LDLRAD4: variants seen among roughly 807,000 people sequenced by gnomAD.
LDLRAD4 encodes low density lipoprotein receptor class A domain containing 4, also known as low-density lipoprotein receptor class A domain-containing protein 4.
Under a neutral mutation model 17.0 loss-of-function variants are expected in LDLRAD4, and 5 were observed. The observed-to-expected ratio is 0.29, with a 90% CI of 0.15 to 0.62. The LOEUF (loss-of-function observed/expected upper bound fraction) is 0.62, where lower values mean the gene tolerates loss of function less well. Among genes scored for constraint, LDLRAD4 ranks in the 20% least tolerant of loss-of-function variants. The pLI, the probability that LDLRAD4 is intolerant of heterozygous loss-of-function variation, is 0.84. For synonymous variants in LDLRAD4, 168 were observed against 171.8 expected (o/e 0.98, Z 0.17); for missense variants, 340 against 424.7 (o/e 0.80, Z 1.75).
exon 6 of LDLRAD4, chr18:13,650,457 T>C (rs567700652): frequency 2.0e-5 from 8 of 398,138 alleles, no homozygotes; most frequent in African/African-American, 1.2e-4. Context: ...TATGTAGATA[T>C]ACCCCTATCA....
intron 3 of LDLRAD4, chr18:13,611,379 T>C: frequency 1.4e-6 from 1 of 734,750 alleles, no homozygotes; most frequent in African/African-American, 1.9e-5. Context: ...AGCGTTACCA[T>C]GGCAGGCTGC....
At chr18:13,445,822 C>T (rs1486151920) in intron 3 of LDLRAD4, among the ~76,000 whole-genome samples, 1 of 149,992 alleles carries the variant, frequency 6.7e-6, no homozygotes, top group African/African-American at 2.5e-5. Context: ...GTGTGTGTGT[C>T]TGTGTGTGAG....
chr18:13,441,012 G>A (rs554770217), intron 3 of LDLRAD4, among the ~76,000 whole-genome samples: 2 of 152,344 alleles, frequency 1.3e-5, no homozygotes, highest in East Asian at 1.9e-4. Context: ...TGGTCATGGG[G>A]AGACGCTCAC....
intron 1 of LDLRAD4, among the ~76,000 whole-genome samples, chr18:13,346,415 A>G (rs1379500251): frequency 1.3e-5 from 2 of 152,006 alleles, no homozygotes; most frequent in African/African-American, 4.8e-5. Flanking sequence ...CCTGAGTTCT[A>G]GTTTGATTGC....
intron 2 of LDLRAD4, among the ~76,000 whole-genome samples, chr18:13,424,384 T>C (rs1293766673): frequency 6.6e-6 from 1 of 152,168 alleles, no homozygotes; most frequent in African/African-American, 2.4e-5. Context: ...AGCACAGATA[T>C]CAGGTACAAG....
At chr18:13,465,830 A>G (rs1174428741) in intron 3 of LDLRAD4, among the ~76,000 whole-genome samples, 1 of 152,202 alleles carries the variant, frequency 6.6e-6, no homozygotes, top group Admixed American at 6.5e-5. Flanking sequence ...GGACATGTGT[A>G]TAAACCGTAA....
intron 1 of LDLRAD4, among the ~76,000 whole-genome samples, chr18:13,324,548 G>A (rs1397127290): frequency 1.3e-5 from 2 of 152,182 alleles, no homozygotes. Flanking sequence ...AGAGGGAGAA[G>A]CGGCCTGTGG....
At chr18:13,503,487 T>C (rs1236059585) in intron 3 of LDLRAD4, among the ~76,000 whole-genome samples, 6 of 152,068 alleles carry the variant, frequency 3.9e-5, no homozygotes, top group African/African-American at 1.4e-4. Context: ...AAATCTTCTG[T>C]ATTTTTCTAT....
At chr18:13,427,411 C>T (rs1040247783) in intron 2 of LDLRAD4, 3 of 152,614 alleles carry the variant, frequency 2.0e-5, no homozygotes, top group African/African-American at 7.2e-5. Flanking sequence ...GCCGGGCAGC[C>T]ATACATGGGC....
intron 1 of LDLRAD4, among the ~76,000 whole-genome samples, chr18:13,298,993 T>TA (rs1409293991): frequency 6.6e-6 from 1 of 152,210 alleles, no homozygotes; most frequent in Non-Finnish European, 1.5e-5. Flanking sequence ...GTGCTTAACT[T>TA]AGAGTCATGA....
chr18:13,512,884 G>A (rs1283051375), intron 3 of LDLRAD4, among the ~76,000 whole-genome samples: 1 of 152,186 alleles, frequency 6.6e-6, no homozygotes, highest in East Asian at 1.9e-4. Flanking sequence ...CACTTGCACT[G>A]AAAAGTAAAT....
At chr18:13,262,879 C>T (rs1424255454) in intron 1 of LDLRAD4, among the ~76,000 whole-genome samples, 9 of 56,586 alleles carry the variant, frequency 1.6e-4, no homozygotes, top group East Asian at 1.2e-3. Context: ...CCCGTGCGGC[C>T]CTGTGCGTGG....
chr18:13,649,367 C>G (rs1219677696), exon 6 of LDLRAD4: 1 of 152,310 alleles, frequency 6.6e-6, no homozygotes, highest in African/African-American at 2.4e-5. Flanking sequence ...GCCTTCCTCT[C>G]TGAACCAACA....
intron 1 of LDLRAD4, among the ~76,000 whole-genome samples, chr18:13,325,839 C>G (rs900706427): frequency 2.0e-5 from 3 of 152,036 alleles, no homozygotes; most frequent in Non-Finnish European, 4.4e-5. Flanking sequence ...TGCAAGCTCC[C>G]CCTCCCGGGT....
At chr18:13,371,534 C>T (rs1006020032) in intron 1 of LDLRAD4, among the ~76,000 whole-genome samples, 4 of 152,036 alleles carry the variant, frequency 2.6e-5, no homozygotes, top group South Asian at 2.1e-4. Flanking sequence ...TTTGGGAGGC[C>T]GAAGCGGGTG....
chr18:13,630,297 G>A (rs941761476), intron 4 of LDLRAD4, among the ~76,000 whole-genome samples: 25 of 152,224 alleles, frequency 1.6e-4, no homozygotes, highest in African/African-American at 5.3e-4. Context: ...AAGAAAGGGG[G>A]AGGTGCAGTC....
chr18:13,433,780 T>G (rs966258017), intron 2 of LDLRAD4, among the ~76,000 whole-genome samples: 18 of 152,218 alleles, frequency 1.2e-4, no homozygotes, highest in African/African-American at 4.1e-4. Flanking sequence ...GCTCCTAAAA[T>G]TCCCTGTTTT....
chr18:13,372,578 T>C (rs561965760), intron 1 of LDLRAD4, among the ~76,000 whole-genome samples: 26 of 152,330 alleles, frequency 1.7e-4, no homozygotes, highest in Admixed American at 2.6e-4. Context: ...CTGGGAATGC[T>C]AGGCCGTCTG....
At chr18:13,408,390 A>G (rs953121257) in intron 2 of LDLRAD4, among the ~76,000 whole-genome samples, 5 of 146,716 alleles carry the variant, frequency 3.4e-5, no homozygotes, top group African/African-American at 1.2e-4. Flanking sequence ...AAAAAAAAAA[A>G]AAGGTGAGAG....
Sources: gnomAD v4.1 joint callset for allele counts (sites outside exome capture counted in the v4.1 genomes callset) on GRCh38, gnomAD v4.1.1 for gene constraint, MANE v1.5 for transcripts, NCBI Gene and HGNC (gene_info 2026-07-23, HGNC 2026-07-21) for gene names.